The following OTUD6B variants were observed in gnomAD, a reference collection of about 807,000 sequenced individuals.
The protein encoded by OTUD6B is deubiquitinase OTUD6B.
A neutral mutation model predicts 36.9 loss-of-function variants in OTUD6B; 41 were observed. The ratio of observed to expected loss-of-function variants is 1.11; its 90% confidence interval spans 0.87 to 1.44. OTUD6B has a LOEUF of 1.44. Ranked by LOEUF, OTUD6B falls within the 40% of genes most tolerant of loss-of-function variation. The probability of loss-of-function intolerance (pLI) is 0.00; values close to 1 mark genes in which losing one functional copy is unlikely to be tolerated. For missense variants in OTUD6B, 356 were observed against 344.8 expected, an observed-to-expected ratio of 1.03 and a Z score of -0.26; for synonymous variants, 114 against 114.2, an observed-to-expected ratio of 1.00 and a Z score of 0.01.
At chr8:91,076,427 T>C (rs1812804183) in intron 3 of OTUD6B, 1 of 978,818 alleles carries the variant, frequency 1.0e-6, no homozygotes. Flanking sequence ...AATTGCTTTG[T>C]TCTAATGAAG....
chr8:91,073,620 A>G (rs1208866853), intron 2 of OTUD6B: 1 of 275,986 alleles, frequency 3.6e-6, no homozygotes, highest in Non-Finnish European at 5.5e-6. Context: ...AGAAGGAAGG[A>G]AAGCATGCAG....
At chr8:91,074,341 A>G (rs886228936) in intron 3 of OTUD6B, among the ~76,000 whole-genome samples, 1 of 152,092 alleles carries the variant, frequency 6.6e-6, no homozygotes, top group Admixed American at 6.5e-5. Flanking sequence ...GAACTATACC[A>G]TTGGGTGAGA....
intron 6 of OTUD6B, among the ~76,000 whole-genome samples, chr8:91,084,322 A>G (rs1287505431): frequency 3.3e-5 from 5 of 152,194 alleles, no homozygotes; most frequent in African/African-American, 7.2e-5. Context: ...CTGGTTTGAC[A>G]TTAGTAATGC....
At chr8:91,074,339 C>T (rs755968713) in intron 3 of OTUD6B, among the ~76,000 whole-genome samples, 9 of 151,818 alleles carry the variant, frequency 5.9e-5, no homozygotes, top group Non-Finnish European at 1.0e-4. Context: ...AAGAACTATA[C>T]CATTGGGTGA....
At chr8:91,080,791 T>C in intron 5 of OTUD6B, 61 bp downstream of exon 5, 1 of 1,252,228 alleles carries the variant, frequency 8.0e-7, no homozygotes, top group African/African-American at 1.5e-5. Context: ...ATCCCTTCTG[T>C]AGTTTTTAGA....
rs1812986717 is a variant in OTUD6B, at chr8:91,085,021, C to T, written c.*153C>T. ...CTAACAGGTGTTTTTAGAAATATGTCAGAGATAAACTTTAACCAGTGTCTT... is the reference window on the plus strand; with the variant it reads ...CTAACAGGTGTTTTTAGAAATATGTTAGAGATAAACTTTAACCAGTGTCTT... On this transcript the variant is annotated 3_prime_UTR_variant, in exon 7 of 7. Coordinates refer to ENST00000404789, the MANE Select transcript of OTUD6B (RefSeq NM_016023.5). 1 of 395,576 alleles carries T rather than the reference C, an allele frequency of 2.5e-6. No homozygotes were observed. Among genetic ancestry groups the T allele is most frequent in the Non-Finnish European group, 4.6e-6 (1 of 215,142 alleles). 24.5% of individuals were successfully genotyped at this position (395,576 alleles called of 1,614,324 possible). A position where few individuals can be genotyped will look rare whatever the true frequency, so the allele number is the denominator to read the frequency against.
intron 5 of OTUD6B, among the ~76,000 whole-genome samples, chr8:91,081,768 A>C (rs1812912356): frequency 6.6e-6 from 1 of 152,142 alleles, no homozygotes; most frequent in Non-Finnish European, 1.5e-5. Flanking sequence ...ATGCAACATG[A>C]ATGTTGCCCC....
chr8:91,080,790 G>T, intron 5 of OTUD6B, 60 bp downstream of exon 5: 2 of 1,252,212 alleles, frequency 1.6e-6, no homozygotes, highest in Non-Finnish European at 2.3e-6. Flanking sequence ...AATCCCTTCT[G>T]TAGTTTTTAG....
Position 91,073,930 on chromosome 8 carries a change from C to T in OTUD6B, c.315+19C>T. ...GAGACGGGTATGAAAGTCATGTCAC[C>T]AAGTATATAAGTTAGTGCTGTGTGT... On this transcript the variant is annotated intron_variant, in intron 3 of 6. Transcript: ENST00000404789. 1 of 1,538,026 alleles carries T rather than the reference C, an allele frequency of 6.5e-7. No individual in the cohort carries two copies. The highest frequency in any genetic ancestry group is 8.9e-7 in the Non-Finnish European group (1 of 1,126,038).
chr8:91,078,649 A>T lies in OTUD6B; in HGVS notation c.609A>T (p.Thr203=). 6.3e-7 allele frequency: 1 copy of T among 1,579,082 alleles called. No individual in the cohort carries two copies. The highest frequency in any genetic ancestry group is 8.6e-7 in the Non-Finnish European group (1 of 1,160,478). ...DFLPFLTNPN[T]GDMYTPEEFQ... is the part of the protein sequence containing the mutation. The stretch of plus-strand genomic sequence containing the variant: ...TGCCATTTTTAACAAACCCTAATAC[A>T]GGAGATATGTATACTCCAGGTAATT... The change falls in exon 4 of 7, where the codon ACA becomes ACT. Residue 203 remains threonine (T), a synonymous_variant. Transcript: ENST00000404789.
At chr8:91,074,685 A>T (rs1202205737) in intron 3 of OTUD6B, among the ~76,000 whole-genome samples, 1 of 152,042 alleles carries the variant, frequency 6.6e-6, no homozygotes. Context: ...AAATGATTAA[A>T]TTCAGTCTTT....
chr8:91,073,872 G>T lies in OTUD6B; in HGVS notation c.276G>T (p.Glu92Asp). 2 of 1,594,612 alleles carry T rather than the reference G, an allele frequency of 1.3e-6. No individual in the cohort carries two copies. Among genetic ancestry groups the T allele is most frequent in the South Asian group, 1.1e-5 (1 of 87,844 alleles). Reference sequence around the variant, plus strand: ...TTAACATTTCAAACTTGGTGCTTGAGAATCAGCCACCTCGGATATCAAAAG... The same window carrying T: ...TTAACATTTCAAACTTGGTGCTTGATAATCAGCCACCTCGGATATCAAAAG... ...VAVNISNLVL[E>D]NQPPRISKAQ... Residue 92 changes from glutamate to aspartate, a missense_variant, in exon 3 of 7, where the codon GAG becomes GAT. By Grantham distance (45) the Glu-to-Asp change is conservative. Transcript: ENST00000404789.
At chr8:91,079,698 ACT>A (rs1380686275) in intron 4 of OTUD6B, among the ~76,000 whole-genome samples, 2 of 152,066 alleles carry the variant, frequency 1.3e-5, no homozygotes, top group African/African-American at 4.8e-5. Context: ...GTGATAAATG[ACT>A]CTTCTGTCAT....
Position 91,070,362 on chromosome 8 carries a change from G to A in OTUD6B, c.-23G>A. 6.2e-7 allele frequency: 1 copy of A among 1,612,384 alleles called. No individual in the cohort carries two copies. The highest frequency in any genetic ancestry group is 8.5e-7 in the Non-Finnish European group (1 of 1,179,242). On this transcript the variant is annotated 5_prime_UTR_variant, in exon 1 of 7. It adds an upstream start codon to the 5' untranslated region. Coordinates refer to ENST00000404789, the MANE Select transcript of OTUD6B (RefSeq NM_016023.5). ...AGCCGGTGCAGGTTTCTTCTAGCGC[G>A]TGTGCTGGGGTACCTGGTCGTCATG...
chr8:91,080,190 G>C (rs1407899654), intron 4 of OTUD6B, among the ~76,000 whole-genome samples: 1 of 152,092 alleles, frequency 6.6e-6, no homozygotes, highest in African/African-American at 2.4e-5. Context: ...CGCTATCTCT[G>C]GGGAAGGAAT....
At chr8:91,084,418 A>G (rs532819692) in intron 6 of OTUD6B, among the ~76,000 whole-genome samples, 43 of 152,288 alleles carry the variant, frequency 2.8e-4, no homozygotes, top group African/African-American at 8.4e-4. Flanking sequence ...TTTTATGAAA[A>G]TATCTTACAT....
Position 91,070,455 on chromosome 8 carries a change from A to AG in OTUD6B, c.73dup (p.Glu25GlyfsTer17), listed in dbSNP as rs749621066. ...CTGAGAAGGCATCGCAAAGAGAAGA[A>AG]GGAGTTGCAAGGTGAGGCGGAAGGA... On this transcript the variant is annotated frameshift_variant, in exon 1 of 7. Transcript: ENST00000404789. LOFTEE classifies it high-confidence loss of function. 3.2e-6 allele frequency: 5 copies of AG among 1,569,310 alleles called. No homozygotes were observed. Among genetic ancestry groups the AG allele is most frequent in the Non-Finnish European group, 4.3e-6 (5 of 1,156,886 alleles).
At chr8:91,074,062 T>C (rs1339053564) in intron 3 of OTUD6B, among the ~76,000 whole-genome samples, 151 bp downstream of exon 3, 1 of 152,188 alleles carries the variant, frequency 6.6e-6, no homozygotes, top group Admixed American at 6.5e-5. Context: ...ATTAAGCACC[T>C]GCTGTGTGTC....
chr8:91,082,662 ACCCAT>A (rs1456158655), intron 5 of OTUD6B, among the ~76,000 whole-genome samples: 3 of 151,612 alleles, frequency 2.0e-5, no homozygotes, highest in Admixed American at 6.6e-5. Flanking sequence ...TAACGACAGT[ACCCAT>A]CCCATAAAGT....
Sources: gnomAD v4.1 joint callset for allele counts (sites outside exome capture counted in the v4.1 genomes callset) on GRCh38, gnomAD v4.1.1 for gene constraint, MANE v1.5 for transcripts, NCBI Gene and HGNC (gene_info 2026-07-23, HGNC 2026-07-21) for gene names.